The following TANC2 variants were observed in gnomAD, a reference collection of about 807,000 sequenced individuals.
TANC2 encodes the protein tetratricopeptide repeat, ankyrin repeat and coiled-coil containing 2, also known as protein TANC2.
In TANC2, 26 loss-of-function variants were observed where a neutral mutation model predicts 210.5. That is an observed-to-expected ratio of 0.12 (90% CI 0.09 to 0.17). The LOEUF (loss-of-function observed/expected upper bound fraction) is 0.17, where lower values mean the gene tolerates loss of function less well. Ranked by LOEUF, TANC2 falls within the 10% of genes least tolerant of loss-of-function variation. TANC2 has a pLI of 1.00. For missense variants in TANC2, 2,129 were observed against 2,608.9 expected (o/e 0.82, Z 4.01); for synonymous variants, 931 against 967.1 (o/e 0.96, Z 0.69).
chr17:62,990,143 G>A (rs56301102), intron 1 of TANC2, among the ~76,000 whole-genome samples: 1 of 152,074 alleles, frequency 6.6e-6, no homozygotes. Context: ...GAGCAACTTA[G>A]CGATGATACT....
rs142498413 is a variant in TANC2, at chr17:63,164,289, T to C, written c.433+12909T>C. On this transcript the variant is annotated intron_variant, in intron 5 of 27. Transcript: ENST00000689528. ...TACTGGGATTACAGGTGTGAGCCAC[T>C]GTGCCTAGCCAGCATCAAAATCTTA... 1.1e-3 allele frequency among the ~76,000 whole-genome samples: 174 copies of C among 152,188 alleles called. 2 individuals carry two copies. Among genetic ancestry groups the C allele is most frequent in the African/African-American group, 3.9e-3 (161 of 41,504 alleles).
intron 2 of TANC2, among the ~76,000 whole-genome samples, chr17:63,026,867 CCTAA>C (rs2034575096): frequency 2.0e-5 from 3 of 152,060 alleles, no homozygotes; most frequent in Middle Eastern, 3.2e-3. Context: ...AATATTTTAG[CCTAA>C]AGATTTATTC....
chr17:63,353,575 T>C (rs79712231), intron 13 of TANC2, among the ~76,000 whole-genome samples: 1,889 of 152,044 alleles, frequency 0.012, 37 homozygotes, highest in African/African-American at 0.044. Flanking sequence ...CACATATAGA[T>C]AATATTTAGC....
intron 12 of TANC2, among the ~76,000 whole-genome samples, chr17:63,344,551 A>C (rs1309414639): frequency 6.6e-6 from 1 of 152,172 alleles, no homozygotes; most frequent in Non-Finnish European, 1.5e-5. Context: ...GGAAGAAGTA[A>C]AACTGTCTTT....
At chr17:63,185,274 G>A (rs556377023) in intron 5 of TANC2, among the ~76,000 whole-genome samples, 1 of 151,918 alleles carries the variant, frequency 6.6e-6, no homozygotes, top group South Asian at 2.1e-4. Flanking sequence ...TATTTTTTTG[G>A]TAGAGAAAGG....
chr17:63,295,030 T>C (rs1323100243), intron 9 of TANC2, among the ~76,000 whole-genome samples: 1 of 152,226 alleles, frequency 6.6e-6, no homozygotes, highest in African/African-American at 2.4e-5. Context: ...AGAATATTCA[T>C]TACATTCATC....
chr17:63,312,829 C>T (rs1342616251), intron 9 of TANC2, among the ~76,000 whole-genome samples: 1 of 152,148 alleles, frequency 6.6e-6, no homozygotes, highest in Non-Finnish European at 1.5e-5. Context: ...TCCCCTAACC[C>T]CCCACAACCC....
intron 5 of TANC2, chr17:63,155,283 A>G (rs1401308567): frequency 6.6e-6 from 1 of 152,106 alleles, no homozygotes; most frequent in African/African-American, 2.4e-5. Context: ...AATATAATGT[A>G]TATGCCACAT....
chr17:63,328,502 G>A (rs569332037), intron 11 of TANC2, among the ~76,000 whole-genome samples: 85 of 151,624 alleles, frequency 5.6e-4, no homozygotes, highest in South Asian at 2.1e-3. Context: ...TAAAACTGAA[G>A]GACATTATGC....
At chr17:63,345,414 G>A (rs1479722207) in intron 12 of TANC2, among the ~76,000 whole-genome samples, 4 of 152,154 alleles carry the variant, frequency 2.6e-5, no homozygotes, top group Admixed American at 1.3e-4. Context: ...GAGGTCGGGA[G>A]TTTGAGACCA....
At chr17:63,267,648 G>T in intron 8 of TANC2, 100 bp from the exon 9 acceptor site, 4 of 1,148,644 alleles carry the variant, frequency 3.5e-6, no homozygotes, top group South Asian at 3.6e-5. Flanking sequence ...TATATTTTTT[G>T]GCTGGAGTAA....
intron 7 of TANC2, among the ~76,000 whole-genome samples, chr17:63,228,743 G>A (rs903285187): frequency 2.0e-5 from 3 of 152,086 alleles, no homozygotes; most frequent in Non-Finnish European, 2.9e-5. Flanking sequence ...TCTGTTGTTA[G>A]TGTGTAGGAC....
intron 9 of TANC2, among the ~76,000 whole-genome samples, chr17:63,289,546 G>T (rs538079315): frequency 6.6e-6 from 1 of 151,700 alleles, no homozygotes; most frequent in Non-Finnish European, 1.5e-5. Context: ...TTTCTTTTTG[G>T]TTCTTCCTTA....
rs1204942102 is a variant in TANC2 at position 63,412,035 on chromosome 17, A to T, written c.3803A>T (p.His1268Leu). The change falls in exon 23 of 28, where the codon CAC becomes CTC. Residue 1268 changes from histidine (H) to leucine (L), a missense_variant. By Grantham distance (99) the His-to-Leu change is moderately conservative. Coordinates refer to ENST00000689528, the Ensembl canonical transcript of TANC2. The surrounding 1 kb of genome is among the most constrained non-coding windows in gnomAD (Gnocchi z 4.2). ...GTAGATCATGGGGCCATGATCGAGC[A>T]CGTTGACTACAGTGGAATGCGCCCT... The T allele has an allele frequency of 2.5e-6, 4 of 1,613,792 alleles. No individual in the cohort carries two copies. Among genetic ancestry groups the T allele is most frequent in the Non-Finnish European group, 3.4e-6 (4 of 1,179,884 alleles).
At chr17:63,062,685 C>T (rs1357240041) in intron 2 of TANC2, among the ~76,000 whole-genome samples, 1 of 152,108 alleles carries the variant, frequency 6.6e-6, no homozygotes, top group Non-Finnish European at 1.5e-5. Flanking sequence ...TTTAGATGCT[C>T]ATTAAGTTTC....
intron 7 of TANC2, among the ~76,000 whole-genome samples, chr17:63,212,846 C>A (rs1467919699): frequency 3.9e-5 from 6 of 152,192 alleles, no homozygotes; most frequent in Non-Finnish European, 7.3e-5. Flanking sequence ...TTTCTACCAC[C>A]TATCAGGACT....
chr17:63,320,331 A>G (rs2045455053), intron 11 of TANC2: 3 of 152,188 alleles, frequency 2.0e-5, no homozygotes, highest in Admixed American at 1.3e-4. Flanking sequence ...CCTCCGTCCT[A>G]GAGCCCTCCA....
chr17:63,001,693 T>A (rs766727865), intron 1 of TANC2, among the ~76,000 whole-genome samples: 37 of 151,956 alleles, frequency 2.4e-4, no homozygotes, highest in Non-Finnish European at 5.3e-4. Context: ...TACAGGTGCA[T>A]GCCAGCATGC....
In TANC2 at chr17:63,412,525, C is replaced by G. The variant is rs1245392230; in HGVS notation, c.3899-155C>G. On this transcript the variant is annotated intron_variant, in intron 23 of 27. Coordinates refer to ENST00000689528, the Ensembl canonical transcript of TANC2. The surrounding 1 kb of genome is among the most constrained non-coding windows in gnomAD (Gnocchi z 4.2). ...CCCTGCTGCCGCTGTCCCAGCTGCT[C>G]CCCAAGCCCACAGACCTATAGACGA... 6.6e-6 allele frequency among the ~76,000 whole-genome samples: 1 copy of G among 152,194 alleles called. No individual in the cohort carries two copies. Among genetic ancestry groups the G allele is most frequent in the East Asian group, 1.9e-4 (1 of 5,204 alleles).
Sources: allele counts gnomAD v4.1 joint callset (sites outside exome capture counted in the v4.1 genomes callset), GRCh38; gene constraint gnomAD v4.1.1; non-coding constraint Gnocchi (gnomAD v3.1); transcripts MANE v1.5; gene names NCBI Gene and HGNC (gene_info 2026-07-23, HGNC 2026-07-21).